KCND2: variants seen among roughly 807,000 people sequenced by gnomAD.
The protein encoded by KCND2 is potassium voltage-gated channel subfamily D member 2, also known as A-type voltage-gated potassium channel KCND2.
KCND2 carries 16 observed loss-of-function variants against 54.4 expected under a neutral mutation model. That is an observed-to-expected ratio of 0.29 (90% CI 0.20 to 0.45). The LOEUF (loss-of-function observed/expected upper bound fraction) is 0.45, where lower values mean the gene tolerates loss of function less well. Among genes scored for constraint, KCND2 ranks in the 20% least tolerant of loss-of-function variants. The pLI is 1.00. For synonymous variants in KCND2, 317 were observed against 310.7 expected, an observed-to-expected ratio of 1.02 and a Z score of -0.21; for missense variants, 486 against 824.2, an observed-to-expected ratio of 0.59 and a Z score of 5.02.
Position 120,556,212 on chromosome 7 carries a change from C to T in KCND2, c.1116-176691C>T, listed in dbSNP as rs141614511. Among the ~76,000 whole-genome samples the T allele has an allele frequency of 3.6e-3, 542 of 152,214 alleles. 1 individual carries two copies. The highest frequency in any genetic ancestry group is 5.5e-3 in the Non-Finnish European group (373 of 68,012). On this transcript the variant is annotated intron_variant, in intron 1 of 5. Coordinates refer to ENST00000331113, the MANE Select transcript of KCND2 (RefSeq NM_012281.3). The stretch of plus-strand genomic sequence containing the variant: ...TTGCCCTTCCGTCTCTCAATGCGTC[C>T]GAAATGAGGGGCATAGAGAACACTA...
intron 1 of KCND2, among the ~76,000 whole-genome samples, chr7:120,534,653 T>C (rs1791880676): frequency 6.6e-6 from 1 of 152,158 alleles, no homozygotes. Flanking sequence ...TTCTTAATTG[T>C]GACAACCTAT....
chr7:120,616,637 C>G (rs958097757), intron 1 of KCND2, among the ~76,000 whole-genome samples: 1 of 151,938 alleles, frequency 6.6e-6, no homozygotes, highest in Non-Finnish European at 1.5e-5. Context: ...ATAATATTTT[C>G]AATAAAAGAG....
intron 1 of KCND2, among the ~76,000 whole-genome samples, chr7:120,626,592 T>C (rs1302920087): frequency 1.3e-5 from 2 of 152,138 alleles, no homozygotes; most frequent in African/African-American, 4.8e-5. Flanking sequence ...CATCTCTAGA[T>C]CAGTCTATAA....
chr7:120,434,529 C>A (rs917559120), intron 1 of KCND2, among the ~76,000 whole-genome samples: 1 of 152,210 alleles, frequency 6.6e-6, no homozygotes, highest in African/African-American at 2.4e-5. Context: ...CCAACTTCTT[C>A]TTTGTTGATA....
chr7:120,607,330 A>T (rs773534944), intron 1 of KCND2, among the ~76,000 whole-genome samples: 2 of 152,066 alleles, frequency 1.3e-5, no homozygotes, highest in Non-Finnish European at 2.9e-5. Flanking sequence ...CAGAGGGCCT[A>T]CTCTGCTATC....
At chr7:120,628,483 TC>T (rs138490546) in intron 1 of KCND2, among the ~76,000 whole-genome samples, 4,295 of 152,150 alleles carry the variant, frequency 0.028, 166 homozygotes, top group African/African-American at 0.09. Context: ...AATATAACTG[TC>T]CTCACAGGAA....
chr7:120,407,212 G>A (rs932672467), intron 1 of KCND2, among the ~76,000 whole-genome samples: 5 of 152,010 alleles, frequency 3.3e-5, no homozygotes, highest in Admixed American at 3.3e-4. Flanking sequence ...CAGCGTAGAT[G>A]TGTACATAGA....
chr7:120,626,765 T>C (rs907730748), intron 1 of KCND2, among the ~76,000 whole-genome samples: 2 of 152,180 alleles, frequency 1.3e-5, no homozygotes, highest in East Asian at 1.9e-4. Context: ...TTTCTTCCTA[T>C]TTTTAAAAAT....
At chr7:120,661,704 T>C (rs1268998263) in intron 1 of KCND2, among the ~76,000 whole-genome samples, 2 of 152,030 alleles carry the variant, frequency 1.3e-5, no homozygotes, top group Non-Finnish European at 1.5e-5. Context: ...TACTCAGGTT[T>C]TCAGTGAATG....
chr7:120,310,674 G>T (rs189748198), intron 1 of KCND2, among the ~76,000 whole-genome samples: 1 of 152,000 alleles, frequency 6.6e-6, no homozygotes, highest in Non-Finnish European at 1.5e-5. Context: ...TGGCTCACGT[G>T]GTGGCTCATC....
intron 1 of KCND2, among the ~76,000 whole-genome samples, chr7:120,305,214 T>A (rs1029415610): frequency 3.9e-5 from 6 of 152,166 alleles, no homozygotes; most frequent in African/African-American, 1.4e-4. Flanking sequence ...AGTGTCTTTT[T>A]CAAGAGCATG....
chr7:120,461,244 A>T (rs974988433), intron 1 of KCND2, among the ~76,000 whole-genome samples: 1 of 152,164 alleles, frequency 6.6e-6, no homozygotes, highest in Non-Finnish European at 1.5e-5. Context: ...GATAATTAGC[A>T]TTGGTGGCTT....
At chr7:120,660,018 G>A (rs1427286376) in intron 1 of KCND2, among the ~76,000 whole-genome samples, 1 of 152,066 alleles carries the variant, frequency 6.6e-6, no homozygotes, top group Non-Finnish European at 1.5e-5. Context: ...CGACATGCAG[G>A]TTCTGTAGGT....
intron 1 of KCND2, among the ~76,000 whole-genome samples, chr7:120,303,868 T>C (rs1385107844): frequency 6.6e-6 from 1 of 152,182 alleles, no homozygotes; most frequent in Non-Finnish European, 1.5e-5. Context: ...GTGGGATCTT[T>C]TTCCTTCTCT....
intron 1 of KCND2, among the ~76,000 whole-genome samples, chr7:120,380,714 T>A (rs1800906060): frequency 6.6e-6 from 1 of 151,960 alleles, no homozygotes; most frequent in Admixed American, 6.6e-5. Flanking sequence ...TAGATGTTCA[T>A]CACTTCAGAG....
At chr7:120,605,141 T>G (rs1355382519) in intron 1 of KCND2, among the ~76,000 whole-genome samples, 2 of 152,220 alleles carry the variant, frequency 1.3e-5, no homozygotes, top group African/African-American at 4.8e-5. Context: ...TGGAAACAGT[T>G]GCACAACCAT....
At chr7:120,338,628 C>T (rs1800187128) in intron 1 of KCND2, among the ~76,000 whole-genome samples, 1 of 152,014 alleles carries the variant, frequency 6.6e-6, no homozygotes, top group East Asian at 1.9e-4. Context: ...AATGAGAAAA[C>T]TTACAAAATA....
At chr7:120,614,485 A>G (rs1029558334) in intron 1 of KCND2, among the ~76,000 whole-genome samples, 3 of 152,186 alleles carry the variant, frequency 2.0e-5, no homozygotes, top group East Asian at 1.9e-4. Flanking sequence ...TTTATTTGCA[A>G]TTGTAGAACT....
intron 1 of KCND2, among the ~76,000 whole-genome samples, chr7:120,394,321 G>A (rs1191742981): frequency 6.6e-6 from 1 of 151,916 alleles, no homozygotes; most frequent in African/African-American, 2.4e-5. Context: ...GGGTCTGTTT[G>A]CACTAAGTCT....
Sources: allele counts gnomAD v4.1 joint callset (sites outside exome capture counted in the v4.1 genomes callset), GRCh38; gene constraint gnomAD v4.1.1; transcripts MANE v1.5; gene names NCBI Gene and HGNC (gene_info 2026-07-23, HGNC 2026-07-21).